MICU3: variants seen among roughly 807,000 people sequenced by gnomAD.
The protein encoded by MICU3 is mitochondrial calcium uptake 3, also known as calcium uptake protein 3, mitochondrial.
MICU3 carries 62 observed loss-of-function variants against 66.5 expected under a neutral mutation model. The ratio of observed to expected loss-of-function variants is 0.93; its 90% CI spans 0.76 to 1.15. The LOEUF is 1.15. Among genes scored for constraint, MICU3 ranks in the 50% most tolerant of loss-of-function variants. MICU3 has a pLI of 0.00. For synonymous variants in MICU3, 308 were observed against 240.7 expected (o/e 1.28, Z -2.59); for missense variants, 779 against 664.4 (o/e 1.17, Z -1.90).
At chr8:17,049,506 C>T in intron 1 of MICU3, 1 of 491,980 alleles carries the variant, frequency 2.0e-6, no homozygotes, top group South Asian at 1.5e-5. Context: ...AGTTTGTGGG[C>T]TTAGTATTTA....
intron 4 of MICU3, 36 bp downstream of exon 4, chr8:17,077,897 T>A: frequency 1.6e-6 from 2 of 1,271,456 alleles, no homozygotes; most frequent in Non-Finnish European, 2.2e-6. Context: ...TTTTTTAAAC[T>A]ATATTATGTA....
chr8:17,112,048 C>A (rs190270619), intron 11 of MICU3, among the ~76,000 whole-genome samples: 32 of 147,772 alleles, frequency 2.2e-4, no homozygotes, highest in African/African-American at 8.1e-4. Flanking sequence ...CTCACTATCA[C>A]GAGAACAGCA....
At chr8:17,065,992 A>G (rs1261998681) in intron 2 of MICU3, among the ~76,000 whole-genome samples, 1 of 152,150 alleles carries the variant, frequency 6.6e-6, no homozygotes, top group Admixed American at 6.5e-5. Context: ...TCAAGACAGT[A>G]TATGGTATAG....
At chr8:17,083,771 G>C (rs1468176395) in intron 5 of MICU3, among the ~76,000 whole-genome samples, 1 of 152,096 alleles carries the variant, frequency 6.6e-6, no homozygotes, top group East Asian at 1.9e-4. Context: ...CTGAGAATGA[G>C]AGAGGGTGCA....
At chr8:17,108,790 CA>C (rs1801956558) in intron 11 of MICU3, among the ~76,000 whole-genome samples, 2 of 152,138 alleles carry the variant, frequency 1.3e-5, no homozygotes, top group South Asian at 4.1e-4. Flanking sequence ...GATCATACCA[CA>C]GTAAGATTGC....
At chr8:17,090,425 T>TATAG (rs1479530329) in intron 7 of MICU3, 121 bp from the exon 8 acceptor site, 1 of 743,404 alleles carries the variant, frequency 1.3e-6, no homozygotes, top group East Asian at 2.6e-5. Flanking sequence ...ATATAAAATG[T>TATAG]AGCATAATGA....
intron 1 of MICU3, among the ~76,000 whole-genome samples, chr8:17,041,284 A>C (rs922364502): frequency 6.6e-6 from 1 of 152,104 alleles, no homozygotes; most frequent in Non-Finnish European, 1.5e-5. Context: ...AAAAAAAAAA[A>C]AGTCAGGGGG....
intron 1 of MICU3, among the ~76,000 whole-genome samples, chr8:17,047,952 AAG>A (rs1459759894): frequency 1.3e-5 from 2 of 152,200 alleles, no homozygotes; most frequent in Non-Finnish European, 2.9e-5. Flanking sequence ...ATTATTTTAA[AAG>A]AAGTTACAAT....
chr8:17,056,099 A>T (rs1363472100), intron 1 of MICU3, among the ~76,000 whole-genome samples: 1 of 152,134 alleles, frequency 6.6e-6, no homozygotes, highest in East Asian at 1.9e-4. Context: ...GATCCCTGTG[A>T]TTTAGCCCCA....
the MICU3 span, among the ~76,000 whole-genome samples, chr8:17,135,439 G>T: frequency 6.6e-6 from 1 of 151,480 alleles, no homozygotes; most frequent in Admixed American, 6.7e-5. Context: ...TTTTCTATCT[G>T]ATTTTTGTTG....
intron 1 of MICU3, among the ~76,000 whole-genome samples, chr8:17,050,749 A>G (rs1815934833): frequency 6.6e-6 from 1 of 152,100 alleles, no homozygotes; most frequent in African/African-American, 2.4e-5. Flanking sequence ...TTGACTCTTA[A>G]TTCCATGTAT....
rs558943795 is a variant in MICU3, at chr8:17,081,567, TATA to T, written c.647-120_647-118del. 468 of 356,200 alleles carry T rather than the reference TATA, an allele frequency of 1.3e-3. 5 individuals are homozygous for T. In the South Asian group the frequency reaches 0.017, roughly 13 times the overall value. 22.1% of individuals were successfully genotyped at this position (356,200 alleles called of 1,614,324 possible). A position where few individuals can be genotyped will look rare whatever the true frequency, so the allele number is the denominator to read the frequency against. On this transcript the variant is annotated intron_variant, in intron 4 of 14. Coordinates refer to ENST00000318063, the MANE Select transcript of MICU3 (RefSeq NM_181723.3). ...TTTGTTGCTTCTTTTGTTATGATTT[TATA>T]ATAATGATTGTCATTTAAAATAATA...
intron 1 of MICU3, among the ~76,000 whole-genome samples, chr8:17,054,805 G>A (rs1483092581): frequency 7.2e-6 from 1 of 138,648 alleles, no homozygotes; most frequent in Non-Finnish European, 1.5e-5. Flanking sequence ...GTGGCACGAT[G>A]TCAGCTCACT....
At chr8:17,126,377 G>T (rs1031130474), downstream of MICU3, among the ~76,000 whole-genome samples, 1 of 151,968 alleles carries the variant, frequency 6.6e-6, no homozygotes, top group Admixed American at 6.6e-5. Context: ...TCCTGTCCTT[G>T]AGAAAGAAAC....
intron 8 of MICU3, among the ~76,000 whole-genome samples, chr8:17,095,919 C>T (rs553448239): frequency 3.2e-4 from 48 of 151,984 alleles, no homozygotes; most frequent in Non-Finnish European, 6.2e-4. Context: ...AAAGTTCTAT[C>T]AATAACAGAC....
intron 1 of MICU3, among the ~76,000 whole-genome samples, chr8:17,044,580 C>T (rs944368089): frequency 6.6e-6 from 1 of 152,150 alleles, no homozygotes; most frequent in African/African-American, 2.4e-5. Context: ...GACTGATTCA[C>T]AGTACTACAT....
At chr8:17,107,287 T>C (rs1457336374) in intron 11 of MICU3, among the ~76,000 whole-genome samples, 1 of 152,114 alleles carries the variant, frequency 6.6e-6, no homozygotes, top group Non-Finnish European at 1.5e-5. Context: ...AGGTAACTTC[T>C]GGGGAGAGAC....
At chr8:17,104,547 A>T in intron 10 of MICU3, 56 bp downstream of exon 10, 1 of 919,650 alleles carries the variant, frequency 1.1e-6, no homozygotes, top group African/African-American at 1.7e-5. Context: ...AATCAGAAGG[A>T]TCTTTAGAAA....
At chr8:17,052,813 A>C (rs1352755109) in intron 1 of MICU3, among the ~76,000 whole-genome samples, 1 of 152,212 alleles carries the variant, frequency 6.6e-6, no homozygotes, top group African/African-American at 2.4e-5. Context: ...ATAAGCCTGA[A>C]GCCATTTGGG....
Sources: allele counts gnomAD v4.1 joint callset (sites outside exome capture counted in the v4.1 genomes callset), GRCh38; gene constraint gnomAD v4.1.1; transcripts MANE v1.5; gene names NCBI Gene and HGNC (gene_info 2026-07-23, HGNC 2026-07-21).